The following JAKMIP1 variants were observed in gnomAD, a reference collection of about 807,000 sequenced individuals.
JAKMIP1 encodes the protein janus kinase and microtubule interacting protein 1.
JAKMIP1 carries 33 observed loss-of-function variants against 113.0 expected under a neutral mutation model. That is an observed-to-expected ratio of 0.29 (90% confidence interval 0.22 to 0.39). The LOEUF (loss-of-function observed/expected upper bound fraction) is 0.39. JAKMIP1 is among the 10% of genes least tolerant of loss of function. JAKMIP1 has a pLI of 1.00. For missense variants in JAKMIP1, 813 were observed against 1,080.5 expected (o/e 0.75, Z 3.47); for synonymous variants, 480 against 459.9 (o/e 1.04, Z -0.56).
intron 1 of JAKMIP1, among the ~76,000 whole-genome samples, chr4:6,149,326 G>C (rs1265398942): frequency 6.6e-6 from 1 of 152,180 alleles, no homozygotes; most frequent in Non-Finnish European, 1.5e-5. Context: ...AACACTAAGG[G>C]CTTTCTCCCA....
intron 2 of JAKMIP1, among the ~76,000 whole-genome samples, chr4:6,111,187 T>C (rs1439693160): frequency 1.3e-5 from 2 of 152,154 alleles, no homozygotes; most frequent in Non-Finnish European, 2.9e-5. Context: ...CAGCACTCCA[T>C]TGGCGACCTG....
At chr4:6,190,753 C>T (rs999814004) in intron 1 of JAKMIP1, among the ~76,000 whole-genome samples, 2 of 152,266 alleles carry the variant, frequency 1.3e-5, no homozygotes, top group Admixed American at 6.5e-5. Context: ...AACAAGCACA[C>T]ACACCCAGTG....
rs969774688 is a variant in JAKMIP1 at position 6,142,160 on chromosome 4, G to A, written c.-147-29163C>T. 4.6e-5 allele frequency among the ~76,000 whole-genome samples: 7 copies of A among 152,140 alleles called. No homozygotes were observed. The highest frequency in any genetic ancestry group is 1.9e-4 in the East Asian group (1 of 5,196). On this transcript the variant is annotated intron_variant, in intron 1 of 20. Transcript: ENST00000409021. This position sits in a 1 kb window ranked among gnomAD's most constrained non-coding sequence, Gnocchi z 5.5. ...TTTCCAAGACGCTCTGAAGAGTGGT[G>A]GAGGCCTTCCTACCTCATTCCATCC...
intron 2 of JAKMIP1, among the ~76,000 whole-genome samples, chr4:6,111,899 G>T (rs1225534100): frequency 6.6e-6 from 1 of 152,150 alleles, no homozygotes; most frequent in Non-Finnish European, 1.5e-5. Flanking sequence ...TGGCTTACAA[G>T]ACCTCATGGC....
intron 1 of JAKMIP1, among the ~76,000 whole-genome samples, chr4:6,117,721 C>A (rs941919852): frequency 6.6e-6 from 1 of 151,936 alleles, no homozygotes; most frequent in African/African-American, 2.4e-5. Context: ...GAGACAGGTA[C>A]GCCCCGGGGG....
chr4:6,185,952 T>C lies in JAKMIP1; in HGVS notation c.-148+14301A>G, dbSNP rs779907589. Among the ~76,000 whole-genome samples, 7 of 152,224 alleles carry C rather than the reference T, an allele frequency of 4.6e-5. No individual in the cohort carries two copies. The highest frequency in any genetic ancestry group is 7.2e-5 in the African/African-American group (3 of 41,452). On this transcript the variant is annotated intron_variant, in intron 1 of 20. Transcript: ENST00000409021. The surrounding 1 kb of genome is among the most constrained non-coding windows in gnomAD (Gnocchi z 5.3). ...TGACACTAGTTCAGACTGGACTTTTTTTTAATTACCTCAGTGTGGAGGTCA... is the reference window on the plus strand; with the variant it reads ...TGACACTAGTTCAGACTGGACTTTTCTTTAATTACCTCAGTGTGGAGGTCA...
chr4:6,111,822 A>C (rs1387062038), intron 2 of JAKMIP1, among the ~76,000 whole-genome samples: 1 of 152,206 alleles, frequency 6.6e-6, no homozygotes, highest in Non-Finnish European at 1.5e-5. Context: ...GCTCTGTTCC[A>C]AGCTCTTTAC....
intron 1 of JAKMIP1, among the ~76,000 whole-genome samples, chr4:6,146,186 C>A (rs940381690): frequency 7.9e-6 from 1 of 127,264 alleles, no homozygotes; most frequent in Non-Finnish European, 1.5e-5. Context: ...ACGGAGAAGT[C>A]AAACTCATAG....
chr4:6,058,117 A>ACAGGCT (rs1716742240), intron 11 of JAKMIP1, among the ~76,000 whole-genome samples: 1 of 152,232 alleles, frequency 6.6e-6, no homozygotes, highest in Admixed American at 6.5e-5. Context: ...ATGAATGGAC[A>ACAGGCT]CAGGCTCAGC....
intron 11 of JAKMIP1, 102 bp from the exon 12 acceptor site, chr4:6,056,861 G>T: frequency 6.3e-6 from 5 of 796,134 alleles, no homozygotes; most frequent in Non-Finnish European, 2.2e-6. Flanking sequence ...ACTGACCATG[G>T]AAAGGTCATA....
At chr4:6,057,376 G>T (rs188897317) in intron 11 of JAKMIP1, among the ~76,000 whole-genome samples, 8 of 152,346 alleles carry the variant, frequency 5.3e-5, no homozygotes, top group Non-Finnish European at 1.2e-4. Context: ...CAGCCACAGA[G>T]CTGGGGCTGG....
rs1409685417 is a variant in JAKMIP1, at chr4:6,154,937, A to T, written c.-147-41940T>A. 6.6e-6 allele frequency among the ~76,000 whole-genome samples: 1 copy of T among 152,084 alleles called. No individual in the cohort carries two copies. The highest frequency in any genetic ancestry group is 2.1e-4 in the South Asian group (1 of 4,822). On this transcript the variant is annotated intron_variant, in intron 1 of 20. Coordinates refer to ENST00000409021, the MANE Select transcript of JAKMIP1 (RefSeq NM_001099433.2). This position sits in a 1 kb window ranked among gnomAD's most constrained non-coding sequence, Gnocchi z 4.2. The stretch of plus-strand genomic sequence containing the variant: ...ACAAACCAACACAGAGCACGCAGGG[A>T]AAGGTGCGGGGTAGGGTGGGGGGTC...
Position 6,042,940 on chromosome 4 carries a change from G to A in JAKMIP1, c.2029-713C>T, listed in dbSNP as rs1040032694. On this transcript the variant is annotated intron_variant, in intron 16 of 20. Coordinates refer to ENST00000409021, the MANE Select transcript of JAKMIP1 (RefSeq NM_001099433.2). This position sits in a 1 kb window ranked among gnomAD's most constrained non-coding sequence, Gnocchi z 5.2. ...CTGAGCGGCAGGTAAGGGAGTGGGA[G>A]CTCTGTCCACGTTCCCTCTGGGGTC... Among the ~76,000 whole-genome samples, 1 of 152,044 alleles carries A rather than the reference G, an allele frequency of 6.6e-6. No individual in the cohort carries two copies. Among genetic ancestry groups the A allele is most frequent in the South Asian group, 2.1e-4 (1 of 4,812 alleles).
intron 1 of JAKMIP1, 112 bp from the exon 2 acceptor site, chr4:6,113,109 C>T (rs888524451): frequency 1.4e-5 from 7 of 497,888 alleles, no homozygotes; most frequent in Non-Finnish European, 2.5e-5. Context: ...TGACCTGCCA[C>T]TCCCAGACTG....
chr4:6,063,485 C>T (rs1021797565), intron 9 of JAKMIP1, among the ~76,000 whole-genome samples: 28 of 152,228 alleles, frequency 1.8e-4, no homozygotes, highest in African/African-American at 6.3e-4. Context: ...TGTTGTGTGC[C>T]TCCAGCACTG....
chr4:6,103,430 T>C (rs1347832862), intron 3 of JAKMIP1, among the ~76,000 whole-genome samples: 1 of 152,242 alleles, frequency 6.6e-6, no homozygotes, highest in Non-Finnish European at 1.5e-5. Context: ...GCTCGTACTC[T>C]TGTATCTATG....
intron 8 of JAKMIP1, among the ~76,000 whole-genome samples, chr4:6,068,391 C>A (rs1439158342): frequency 6.6e-6 from 1 of 152,056 alleles, no homozygotes; most frequent in East Asian, 1.9e-4. Flanking sequence ...GGAAGCAGCT[C>A]TTAGAGCAGA....
At chr4:6,037,577 A>T (rs77375987) in intron 18 of JAKMIP1, among the ~76,000 whole-genome samples, 93 of 70,446 alleles carry the variant, frequency 1.3e-3, no homozygotes, top group South Asian at 2.2e-3. Context: ...GAGGCAGAGG[A>T]TAACCCAGTA....
chr4:6,097,872 T>A lies in JAKMIP1; in HGVS notation c.624+7601A>T, dbSNP rs188466442. ...CCAAGACCAGGATGTCAGGTTTTTG[T>A]CTGGCTTTGAATATTTCAGAGGTAG... On this transcript the variant is annotated intron_variant, in intron 3 of 20. Coordinates refer to ENST00000409021, the MANE Select transcript of JAKMIP1 (RefSeq NM_001099433.2). The surrounding 1 kb of genome is among the most constrained non-coding windows in gnomAD (Gnocchi z 4.3). Among the ~76,000 whole-genome samples, 2 of 152,348 alleles carry A rather than the reference T, an allele frequency of 1.3e-5. No homozygotes were observed. Among genetic ancestry groups the A allele is most frequent in the Non-Finnish European group, 2.9e-5 (2 of 68,030 alleles).
Sources: gnomAD v4.1 joint callset for allele counts (sites outside exome capture counted in the v4.1 genomes callset) on GRCh38, gnomAD v4.1.1 for gene constraint, Gnocchi (gnomAD v3.1) non-coding constraint, MANE v1.5 for transcripts, NCBI Gene and HGNC (gene_info 2026-07-23, HGNC 2026-07-21) for gene names.